Variants in PNPLA8 observed in about 807,000 individuals in gnomAD.
The protein encoded by PNPLA8 is patatin like domain 8, phospholipase A2.
PNPLA8 carries 39 observed loss-of-function variants against 76.9 expected under a neutral mutation model. That is an observed-to-expected ratio of 0.51 (90% confidence interval 0.39 to 0.66). The LOEUF (loss-of-function observed/expected upper bound fraction) is 0.66, where lower values mean the gene tolerates loss of function less well. Among genes scored for constraint, PNPLA8 ranks in the 30% least tolerant of loss-of-function variants. The probability of loss-of-function intolerance (pLI) is 0.00; values close to 1 mark genes in which losing one functional copy is unlikely to be tolerated. For synonymous variants in PNPLA8, 301 were observed against 307.9 expected (o/e 0.98, Z 0.24); for missense variants, 887 against 918.0 (o/e 0.97, Z 0.44).
At position 108,514,698 on chromosome 7, in the gene PNPLA8, G is replaced by A. The variant is rs143372991; in HGVS notation, c.794C>T (p.Thr265Met). The A allele has an allele frequency of 3.3e-5, 53 of 1,613,842 alleles. No homozygotes were observed. The African/African-American group carries it at 4.4e-4, about 13-fold the overall frequency. Residue 265 changes from threonine to methionine, a missense_variant, in exon 3 of 11, where the codon ACG (threonine) becomes ATG (methionine). Transcript: ENST00000257694. ...AYKPGSESVH[T>M]VDKPTSPSAI... ...AGAAGGACTTGTAGGCTTGTCCACC[G>A]TATGTACAGATTCTGAGCCTGGCTT...
intron 8 of PNPLA8, among the ~76,000 whole-genome samples, chr7:108,489,887 A>G (rs1861017566): frequency 6.6e-6 from 1 of 152,238 alleles, no homozygotes; most frequent in African/African-American, 2.4e-5. Flanking sequence ...TTTCAAACAC[A>G]CAAATAAATG....
At chr7:108,507,235 C>T (rs1025851392) in intron 4 of PNPLA8, among the ~76,000 whole-genome samples, 10 of 144,234 alleles carry the variant, frequency 6.9e-5, no homozygotes, top group African/African-American at 1.8e-4. Flanking sequence ...CCCAGCTACT[C>T]GGGAGGCTGA....
intron 9 of PNPLA8, among the ~76,000 whole-genome samples, chr7:108,481,020 G>A (rs375373104): frequency 2.0e-5 from 3 of 152,222 alleles, no homozygotes; most frequent in East Asian, 1.9e-4. Flanking sequence ...GCATGTCATC[G>A]AGACTAATCC....
chr7:108,481,818 G>A (rs981288957), intron 9 of PNPLA8, among the ~76,000 whole-genome samples: 1 of 152,054 alleles, frequency 6.6e-6, no homozygotes, highest in Non-Finnish European at 1.5e-5. Context: ...TTAGAACTAC[G>A]ATCCATTATA....
chr7:108,491,531 C>CA, intron 7 of PNPLA8, 64 bp from the exon 8 acceptor site: 1 of 986,810 alleles, frequency 1.0e-6, no homozygotes, highest in Non-Finnish European at 1.6e-6. Flanking sequence ...AACCAGGAAA[C>CA]ATACAGTATG....
At chr7:108,497,256 T>G (rs1171175648) in intron 6 of PNPLA8, among the ~76,000 whole-genome samples, 2 of 152,186 alleles carry the variant, frequency 1.3e-5, no homozygotes, top group Non-Finnish European at 2.9e-5. Context: ...TTGGATGTCC[T>G]TTTAAACAGC....
chr7:108,492,444 C>A (rs575878863), intron 7 of PNPLA8, among the ~76,000 whole-genome samples: 3 of 152,132 alleles, frequency 2.0e-5, no homozygotes, highest in African/African-American at 7.2e-5. Context: ...CAAGAGAAAT[C>A]CTAGGAGCAT....
At chr7:108,480,797 T>C (rs1860338039) in intron 9 of PNPLA8, 1 of 339,826 alleles carries the variant, frequency 2.9e-6, no homozygotes, top group Non-Finnish European at 6.2e-6. Flanking sequence ...CTATGAACTT[T>C]AATGCATATA....
intron 8 of PNPLA8, among the ~76,000 whole-genome samples, chr7:108,490,569 G>T (rs529071360): frequency 6.6e-6 from 1 of 151,964 alleles, no homozygotes; most frequent in Admixed American, 6.5e-5. Context: ...GAATCACGAG[G>T]TCAGGAGATC....
At chr7:108,525,454 C>A (rs753997006) in intron 1 of PNPLA8, among the ~76,000 whole-genome samples, 6 of 152,298 alleles carry the variant, frequency 3.9e-5, no homozygotes, top group Admixed American at 2.0e-4. Flanking sequence ...AAAGCAGGTT[C>A]CTTCCAGCAC....
chr7:108,524,929 G>GT (rs889236409), intron 1 of PNPLA8, among the ~76,000 whole-genome samples: 4 of 151,840 alleles, frequency 2.6e-5, no homozygotes, highest in East Asian at 1.9e-4. Context: ...TCTAACTGGG[G>GT]TAAAAAAAAA....
intron 5 of PNPLA8, among the ~76,000 whole-genome samples, chr7:108,501,405 A>T (rs761339841): frequency 1.8e-4 from 28 of 152,244 alleles, no homozygotes; most frequent in Non-Finnish European, 4.0e-4. Context: ...TTTATTTCTT[A>T]TATGGCACCA....
In PNPLA8 at chr7:108,497,591, T is replaced by TA. The variant is rs754384233; in HGVS notation, c.1359-15dup. ...GCAACCACGCCCCTACAGAAAAGAT[T>TA]AAAGACAAAATGACAATTCCTGTTT... On this transcript the variant is annotated splice_polypyrimidine_tract_variant and intron_variant, in intron 5 of 10. Coordinates refer to ENST00000257694, the MANE Select transcript of PNPLA8 (RefSeq NM_001256007.3). 2 of 1,487,744 alleles carry TA rather than the reference T, an allele frequency of 1.3e-6. No individual in the cohort carries two copies. Among genetic ancestry groups the TA allele is most frequent in the Admixed American group, 2.2e-5 (1 of 46,262 alleles). 92.2% of individuals were successfully genotyped at this position (1,487,744 alleles called of 1,614,324 possible).
chr7:108,485,904 A>T (rs898784219), intron 9 of PNPLA8, among the ~76,000 whole-genome samples: 1 of 152,048 alleles, frequency 6.6e-6, no homozygotes, highest in African/African-American at 2.4e-5. Context: ...TTTTTTGCCC[A>T]TGTGGCAATA....
Position 108,522,730 on chromosome 7 carries a change from G to C in PNPLA8, c.-129-1209C>G, listed in dbSNP as rs575654038. ...AATTCAGGCAGGAAATGGAGACTAGGCTATGGTAAGAATTTTGCATTGTTT... is the reference window on the plus strand; with the variant it reads ...AATTCAGGCAGGAAATGGAGACTAGCCTATGGTAAGAATTTTGCATTGTTT... On this transcript the variant is annotated intron_variant, in intron 1 of 10. Transcript: ENST00000257694. 2.6e-5 allele frequency among the ~76,000 whole-genome samples: 4 copies of C among 152,232 alleles called. No homozygotes were observed. In the South Asian group the frequency reaches 8.3e-4, roughly 32 times the overall value.
At position 108,516,640 on chromosome 7, in the gene PNPLA8, C is replaced by A. The variant is rs894456362; in HGVS notation, c.-83-1066G>T. ...ACTTCTGGCCAGGCGTGGTGGCTCACGCCTGTAATCCCAGCACTTTAGGAG... is the reference window on the plus strand; with the variant it reads ...ACTTCTGGCCAGGCGTGGTGGCTCAAGCCTGTAATCCCAGCACTTTAGGAG... On this transcript the variant is annotated intron_variant, in intron 2 of 10. Transcript: ENST00000257694. Among the ~76,000 whole-genome samples the A allele has an allele frequency of 3.3e-5, 5 of 152,282 alleles. No homozygotes were observed. The South Asian group carries it at 8.3e-4, about 25-fold the overall frequency.
In PNPLA8 at chr7:108,491,136, C is replaced by G. The variant is rs150722388; in HGVS notation, c.1683+274G>C. On this transcript the variant is annotated intron_variant, in intron 8 of 10. Transcript: ENST00000257694. ...CCTGACCAACATGAAGAAACCCTGT[C>G]TCTACTAAAAATACAAAAAAATTAG... is the stretch of plus-strand genomic sequence containing the variant. 1.9e-3 allele frequency among the ~76,000 whole-genome samples: 290 copies of G among 152,164 alleles called. 1 individual carries two copies. Among genetic ancestry groups the G allele is most frequent in the African/African-American group, 6.2e-3 (257 of 41,518 alleles).
rs542178376 is a variant in PNPLA8 at position 108,513,969 on chromosome 7, G to C, written c.1206+175C>G. Among the ~76,000 whole-genome samples, 12 of 152,212 alleles carry C rather than the reference G, an allele frequency of 7.9e-5. No homozygotes were observed. The East Asian group carries it at 2.3e-3, about 29-fold the overall frequency. On this transcript the variant is annotated intron_variant, in intron 4 of 10. Transcript: ENST00000257694. Reference sequence around the variant, plus strand: ...TGGTGCTAACAAAATAAAATGAATTGATTAGCATAATGTATGTCACAAAAT... The same window carrying C: ...TGGTGCTAACAAAATAAAATGAATTCATTAGCATAATGTATGTCACAAAAT...
intron 1 of PNPLA8, among the ~76,000 whole-genome samples, chr7:108,524,707 C>T (rs1432941727): frequency 6.6e-6 from 1 of 152,108 alleles, no homozygotes; most frequent in African/African-American, 2.4e-5. Flanking sequence ...TAAATCCCAG[C>T]TACTCGGGAG....
Sources: gnomAD v4.1 joint callset for allele counts (sites outside exome capture counted in the v4.1 genomes callset) on GRCh38, gnomAD v4.1.1 for gene constraint, MANE v1.5 for transcripts, NCBI Gene and HGNC (gene_info 2026-07-23, HGNC 2026-07-21) for gene names.